The following FSHR variants were observed in gnomAD, a reference collection of about 807,000 sequenced individuals.
FSHR encodes follicle stimulating hormone receptor.
In FSHR, 46 loss-of-function variants were observed where a neutral mutation model predicts 52.1. That is an observed-to-expected ratio of 0.88 (90% CI 0.70 to 1.13). FSHR has a LOEUF of 1.13. FSHR is among the 50% of genes most tolerant of loss of function. FSHR has a pLI of 0.00. For synonymous variants in FSHR, 399 were observed against 309.6 expected, an observed-to-expected ratio of 1.29 and a Z score of -3.03; for missense variants, 964 against 834.6, an observed-to-expected ratio of 1.16 and a Z score of -1.91.
Position 48,982,920 on chromosome 2 carries a change from T to G in FSHR, c.660A>C (p.Pro220=), listed in dbSNP as rs971034478. 1.2e-6 allele frequency: 2 copies of G among 1,613,294 alleles called. No homozygotes were observed. Among genetic ancestry groups the G allele is most frequent in the African/African-American group, 2.7e-5 (2 of 74,912 alleles). Residue 220 remains proline, a synonymous_variant, in exon 8 of 10, where the codon CCA becomes CCC. Coordinates refer to ENST00000406846, the MANE Select transcript of FSHR (RefSeq NM_000145.4). ...TGGGGAAAGCTACTCACAGAATGAC[T>G]GGTCCAGAGGCTCCGTGGAAAACAT... is the stretch of plus-strand genomic sequence containing the variant. ...PNDVFHGASG[P]VILDISRTRI... is the part of the protein sequence containing the mutation.
chr2:49,003,793 G>T (rs1666989552), intron 4 of FSHR, among the ~76,000 whole-genome samples: 1 of 146,424 alleles, frequency 6.8e-6, no homozygotes, highest in African/African-American at 2.6e-5. Context: ...CCACCCCTTG[G>T]AGTAGTGCAG....
chr2:49,073,959 A>G (rs1203920639), intron 1 of FSHR, among the ~76,000 whole-genome samples: 1 of 152,124 alleles, frequency 6.6e-6, no homozygotes, highest in Non-Finnish European at 1.5e-5. Context: ...TCTTCAATAA[A>G]TTCTGCTGGG....
intron 9 of FSHR, among the ~76,000 whole-genome samples, chr2:48,965,286 G>C (rs914290393): frequency 6.6e-6 from 1 of 152,162 alleles, no homozygotes; most frequent in Non-Finnish European, 1.5e-5. Flanking sequence ...CTGTTAGGAA[G>C]AGTGCTCTCC....
intron 2 of FSHR, among the ~76,000 whole-genome samples, chr2:49,031,863 C>T (rs1668113011): frequency 6.6e-6 from 1 of 152,136 alleles, no homozygotes; most frequent in South Asian, 2.1e-4. Context: ...TGTTAAGTAT[C>T]TGAAGCTTAG....
At chr2:48,969,892 A>G (rs1048695897) in intron 8 of FSHR, among the ~76,000 whole-genome samples, 1 of 152,096 alleles carries the variant, frequency 6.6e-6, no homozygotes, top group Non-Finnish European at 1.5e-5. Context: ...GAACAAGGAG[A>G]TTTAAATGGC....
chr2:49,092,147 G>A (rs192000725), intron 1 of FSHR, among the ~76,000 whole-genome samples: 3 of 152,268 alleles, frequency 2.0e-5, no homozygotes, highest in Admixed American at 1.3e-4. Flanking sequence ...AGTGATGTTA[G>A]ATTTTATTTT....
intron 1 of FSHR, among the ~76,000 whole-genome samples, chr2:49,082,414 C>T (rs1670208077): frequency 6.6e-6 from 1 of 152,046 alleles, no homozygotes; most frequent in African/African-American, 2.4e-5. Context: ...AGCAGAAAAA[C>T]TGGAAACTCT....
At chr2:49,050,299 T>A (rs1358331782) in intron 2 of FSHR, among the ~76,000 whole-genome samples, 1 of 152,096 alleles carries the variant, frequency 6.6e-6, no homozygotes, top group African/African-American at 2.4e-5. Context: ...TAGCAGGAGC[T>A]TTACCCAGAA....
At chr2:49,048,256 G>A (rs1668730376) in intron 2 of FSHR, among the ~76,000 whole-genome samples, 1 of 120,212 alleles carries the variant, frequency 8.3e-6, no homozygotes, top group African/African-American at 2.6e-5. Flanking sequence ...AAAAAGTTGA[G>A]GATGATAAAA....
At chr2:48,992,969 C>T (rs1922465) in intron 4 of FSHR, among the ~76,000 whole-genome samples, 83,360 of 151,924 alleles carry the variant, frequency 0.55, 24,542 homozygotes, top group Non-Finnish European at 0.66. Context: ...CTTTATTAGG[C>T]CTCTCTGGAT....
chr2:49,049,851 A>ATATATATATATATATATATATATATAT (rs1668791622), intron 2 of FSHR, among the ~76,000 whole-genome samples: 6 of 143,782 alleles, frequency 4.2e-5, no homozygotes, highest in African/African-American at 1.5e-4. Context: ...ATATATATAT[A>ATATATATATATATATATATATATATAT]ATAAAAACCA....
At chr2:48,964,440 G>A (rs562264098) in intron 9 of FSHR, among the ~76,000 whole-genome samples, 1 of 152,222 alleles carries the variant, frequency 6.6e-6, no homozygotes, top group African/African-American at 2.4e-5. Context: ...CATAAATTAG[G>A]GGATCAAAAT....
At chr2:49,116,870 G>A (rs767965903) in intron 1 of FSHR, among the ~76,000 whole-genome samples, 4 of 152,158 alleles carry the variant, frequency 2.6e-5, no homozygotes, top group Non-Finnish European at 5.9e-5. Context: ...GGCTCAATTA[G>A]AAGGCAAAAC....
At chr2:49,125,309 C>T (rs919879365) in intron 1 of FSHR, among the ~76,000 whole-genome samples, 1 of 148,230 alleles carries the variant, frequency 6.7e-6, no homozygotes, top group African/African-American at 2.5e-5. Context: ...TTAACAATAG[C>T]TGGTGAGCTA....
chr2:48,962,767 A>G lies in FSHR; in HGVS notation c.2054T>C (p.Ile685Thr). ...GGCTAAATGACTTAGAGGGACAAGT[A>G]TGTAAGTGGAACCACTGGTGACTCT... ...APRVTSGSTY[I>T]LVPLSHLAQN Residue 685 changes from isoleucine (I) to threonine (T), a missense_variant, in exon 10 of 10, where the codon ATA (isoleucine) becomes ACA (threonine). Transcript: ENST00000406846. 1.9e-6 allele frequency: 3 copies of G among 1,614,062 alleles called. No individual in the cohort carries two copies. The highest frequency in any genetic ancestry group is 2.5e-6 in the Non-Finnish European group (3 of 1,179,914).
At chr2:49,013,513 T>TAA (rs36099655) in intron 4 of FSHR, among the ~76,000 whole-genome samples, 87,347 of 136,402 alleles carry the variant, frequency 0.64, 30,082 homozygotes, top group Non-Finnish European at 0.76. Context: ...TATATATATA[T>TAA]ATAAATATAT....
chr2:49,011,149 T>G (rs1290201116), intron 4 of FSHR, among the ~76,000 whole-genome samples: 8 of 151,440 alleles, frequency 5.3e-5, no homozygotes, highest in African/African-American at 1.5e-4. Context: ...CTTTCCTGCT[T>G]TCTCTTGTGG....
chr2:48,998,483 A>G (rs369613634), intron 4 of FSHR, among the ~76,000 whole-genome samples: 3 of 152,092 alleles, frequency 2.0e-5, no homozygotes, highest in African/African-American at 7.2e-5. Flanking sequence ...AAGTATAAAA[A>G]ATTCAACATA....
At position 49,022,928 on chromosome 2, in the gene FSHR, G is replaced by T. The variant is rs182393088; in HGVS notation, c.225-2768C>A. 2.6e-3 allele frequency among the ~76,000 whole-genome samples: 399 copies of T among 152,278 alleles called. 1 individual carries two copies. Among genetic ancestry groups the T allele is most frequent in the Non-Finnish European group, 4.5e-3 (304 of 68,028 alleles). On this transcript the variant is annotated intron_variant, in intron 2 of 9. Coordinates refer to ENST00000406846, the MANE Select transcript of FSHR (RefSeq NM_000145.4). Reference sequence around the variant, plus strand: ...CACCTAGAGATCTTTTTAGAATGCAGATTCTCATTGGGAAGGTCTTGACTG... The same window carrying T: ...CACCTAGAGATCTTTTTAGAATGCATATTCTCATTGGGAAGGTCTTGACTG...
Sources: allele counts gnomAD v4.1 joint callset (sites outside exome capture counted in the v4.1 genomes callset), GRCh38; gene constraint gnomAD v4.1.1; transcripts MANE v1.5; gene names NCBI Gene and HGNC (gene_info 2026-07-23, HGNC 2026-07-21).